Variants in KCNT2 observed in about 807,000 individuals in gnomAD.
KCNT2 encodes potassium sodium-activated channel subfamily T member 2.
Under a neutral mutation model 153.8 loss-of-function variants are expected in KCNT2, and 67 were observed. That is an observed-to-expected ratio of 0.44 (90% CI 0.36 to 0.53). The LOEUF (loss-of-function observed/expected upper bound fraction) is 0.53, where lower values mean the gene tolerates loss of function less well. Among genes scored for constraint, KCNT2 ranks in the 20% least tolerant of loss-of-function variants. The pLI is 0.00. For missense variants in KCNT2, 975 were observed against 1,354.8 expected (o/e 0.72, Z 4.40); for synonymous variants, 500 against 458.8 (o/e 1.09, Z -1.15).
Position 196,425,911 on chromosome 1 carries a change from G to A in KCNT2, c.1062C>T (p.Ser354=), listed in dbSNP as rs1242401623. The A allele has an allele frequency of 1.2e-6, 2 of 1,612,106 alleles. No individual in the cohort carries two copies. Among genetic ancestry groups the A allele is most frequent in the Non-Finnish European group, 1.7e-6 (2 of 1,178,860 alleles). The change falls in exon 11 of 28, where the codon TCC becomes TCT. Residue 354 remains serine, a synonymous_variant. Transcript: ENST00000294725. ...AACCTTGAAGGTAGATAACTCGTTG[G>A]GACCACATTGGAATCTGCAGTACCC... ...VRRVLQIPMW[S]QRVIYLQGSA... is the part of the protein sequence containing the mutation.
chr1:196,278,899 C>A (rs571119966), intron 25 of KCNT2, among the ~76,000 whole-genome samples: 31 of 152,248 alleles, frequency 2.0e-4, no homozygotes, highest in Admixed American at 1.1e-3. Context: ...GAAGGTGGGG[C>A]TTTGGGAAGG....
intron 14 of KCNT2, among the ~76,000 whole-genome samples, chr1:196,352,089 T>C (rs535640304): frequency 1.9e-4 from 29 of 152,224 alleles, no homozygotes; most frequent in African/African-American, 6.7e-4. Flanking sequence ...TTTGGATGTG[T>C]TGCTGGATTC....
chr1:196,270,182 C>A (rs1657933917), intron 25 of KCNT2, among the ~76,000 whole-genome samples: 1 of 151,812 alleles, frequency 6.6e-6, no homozygotes, highest in Non-Finnish European at 1.5e-5. Context: ...AATTTGATAA[C>A]TACTTTTTTG....
At chr1:196,551,871 A>G (rs1254206399) in intron 1 of KCNT2, among the ~76,000 whole-genome samples, 2 of 151,626 alleles carry the variant, frequency 1.3e-5, no homozygotes, top group African/African-American at 2.4e-5. Flanking sequence ...GAAAAGAAAC[A>G]TTCACTCTTC....
intron 15 of KCNT2, among the ~76,000 whole-genome samples, 189 bp from the exon 16 acceptor site, chr1:196,340,759 C>T (rs1572098346): frequency 6.6e-6 from 1 of 151,804 alleles, no homozygotes; most frequent in African/African-American, 2.4e-5. Flanking sequence ...ATTATGACCA[C>T]TATAAATTTA....
intron 1 of KCNT2, among the ~76,000 whole-genome samples, chr1:196,501,384 C>CA (rs1177001254): frequency 6.6e-6 from 1 of 152,014 alleles, no homozygotes; most frequent in Admixed American, 6.5e-5. Flanking sequence ...CATACACACA[C>CA]AATGGAATAC....
chr1:196,242,360 G>T (rs1476354921), intron 26 of KCNT2, among the ~76,000 whole-genome samples: 1 of 151,900 alleles, frequency 6.6e-6, no homozygotes, highest in Non-Finnish European at 1.5e-5. Context: ...AAGCCTAAAA[G>T]ATTTTGGAAA....
chr1:196,379,069 C>T (rs1669228986), intron 13 of KCNT2, among the ~76,000 whole-genome samples: 1 of 151,834 alleles, frequency 6.6e-6, no homozygotes, highest in Admixed American at 6.6e-5. Flanking sequence ...GGACAATGTG[C>T]AGAAATGGAT....
chr1:196,325,222 A>G (rs540865709), intron 19 of KCNT2, among the ~76,000 whole-genome samples: 6 of 152,232 alleles, frequency 3.9e-5, no homozygotes, highest in African/African-American at 1.4e-4. Flanking sequence ...TTTTGTCCTT[A>G]GTCCTATCAG....
chr1:196,425,192 A>G (rs1021765625), intron 11 of KCNT2, among the ~76,000 whole-genome samples: 1 of 152,028 alleles, frequency 6.6e-6, no homozygotes, highest in Non-Finnish European at 1.5e-5. Flanking sequence ...GCTATGCTCA[A>G]TAATACTCTC....
rs181502414 is a variant in KCNT2 at position 196,359,505 on chromosome 1, T to C, written c.1403+13635A>G. On this transcript the variant is annotated intron_variant, in intron 14 of 27. Coordinates refer to ENST00000294725, the MANE Select transcript of KCNT2 (RefSeq NM_198503.5). Reference sequence around the variant, plus strand: ...CCAAAGAATAAATCATCTCAATCTTTAGTGCATCTTATTTCATTTATTTAA... The same window carrying C: ...CCAAAGAATAAATCATCTCAATCTTCAGTGCATCTTATTTCATTTATTTAA... 2.6e-5 allele frequency among the ~76,000 whole-genome samples: 4 copies of C among 152,168 alleles called. No individual in the cohort carries two copies. In the East Asian group the frequency reaches 7.7e-4, roughly 29 times the overall value.
chr1:196,550,005 C>T (rs896369316), intron 1 of KCNT2, among the ~76,000 whole-genome samples: 5 of 151,792 alleles, frequency 3.3e-5, no homozygotes, highest in Non-Finnish European at 5.9e-5. Flanking sequence ...ACTTGACAAA[C>T]GATTTAAGAT....
intron 1 of KCNT2, among the ~76,000 whole-genome samples, chr1:196,570,350 G>A (rs1007653765): frequency 6.6e-6 from 1 of 151,930 alleles, no homozygotes; most frequent in Non-Finnish European, 1.5e-5. Flanking sequence ...TTTTAATTTT[G>A]CCTGAGTAAA....
chr1:196,558,404 G>T (rs1658961482), intron 1 of KCNT2, among the ~76,000 whole-genome samples: 2 of 136,824 alleles, frequency 1.5e-5, no homozygotes, highest in Non-Finnish European at 3.3e-5. Context: ...TGTGTGTGTG[G>T]TTTTTTGTTT....
chr1:196,597,879 T>C (rs894596390), intron 1 of KCNT2, among the ~76,000 whole-genome samples: 7 of 151,924 alleles, frequency 4.6e-5, no homozygotes, highest in African/African-American at 4.8e-5. Context: ...TGTTAAGCCC[T>C]AAATCAAGTA....
chr1:196,531,007 C>G (rs1654863298), intron 1 of KCNT2, among the ~76,000 whole-genome samples: 1 of 152,020 alleles, frequency 6.6e-6, no homozygotes, highest in Middle Eastern at 3.2e-3. Context: ...GAATCAGAAG[C>G]CAAAGATTTA....
chr1:196,446,990 A>G (rs577479640), intron 8 of KCNT2, among the ~76,000 whole-genome samples: 6 of 151,676 alleles, frequency 4.0e-5, no homozygotes, highest in Non-Finnish European at 7.4e-5. Flanking sequence ...GGTTCAAAAC[A>G]TGGCTAGTAT....
intron 8 of KCNT2, among the ~76,000 whole-genome samples, chr1:196,433,977 T>G (rs1674390608): frequency 6.6e-6 from 1 of 152,048 alleles, no homozygotes; most frequent in African/African-American, 2.4e-5. Context: ...CCTTTTTCTT[T>G]TTTCACTTCA....
rs1415793212 is a variant in KCNT2, at chr1:196,331,075, C to T, written c.2103+81G>A. ...CCTTAAACATATTGTAATCAAAATGCTGTACAAATTACTTAAATTATGTAA... is the reference window on the plus strand; with the variant it reads ...CCTTAAACATATTGTAATCAAAATGTTGTACAAATTACTTAAATTATGTAA... On this transcript the variant is annotated intron_variant, in intron 18 of 27. Coordinates refer to ENST00000294725, the MANE Select transcript of KCNT2 (RefSeq NM_198503.5). The T allele has an allele frequency of 8.8e-5, 68 of 774,878 alleles. 1 individual carries two copies. In the East Asian group the frequency reaches 1.6e-3, roughly 19 times the overall value. The allele number at this position is 774,878 out of a possible 1,614,324, so 48.0% of individuals were successfully genotyped here. A position where few individuals can be genotyped will look rare whatever the true frequency, so the allele number is the denominator to read the frequency against.
Sources: allele counts gnomAD v4.1 joint callset (sites outside exome capture counted in the v4.1 genomes callset), GRCh38; gene constraint gnomAD v4.1.1; transcripts MANE v1.5; gene names NCBI Gene and HGNC (gene_info 2026-07-23, HGNC 2026-07-21).